Variants in QKI observed in about 807,000 individuals in gnomAD.
QKI encodes KH domain-containing RNA-binding protein QKI.
QKI carries 10 observed loss-of-function variants against 39.0 expected under a neutral mutation model. The observed-to-expected ratio is 0.26, with a 90% CI of 0.16 to 0.43. The LOEUF (loss-of-function observed/expected upper bound fraction) is 0.43, where lower values mean the gene tolerates loss of function less well. Among genes scored for constraint, QKI ranks in the 20% least tolerant of loss-of-function variants. The probability of loss-of-function intolerance (pLI) is 1.00; values close to 1 mark genes in which losing one functional copy is unlikely to be tolerated. For synonymous variants in QKI, 204 were observed against 155.4 expected (o/e 1.31, Z -2.33); for missense variants, 218 against 428.0 (o/e 0.51, Z 4.33).
chr6:163,569,950 A>G (rs1033173509), intron 7 of QKI: 7 of 986,704 alleles, frequency 7.1e-6, no homozygotes, highest in Admixed American at 1.2e-4. Flanking sequence ...TAAGTGTTCT[A>G]TATGTGTAAA....
chr6:163,500,133 G>A (rs747615979), intron 3 of QKI, among the ~76,000 whole-genome samples: 10 of 152,250 alleles, frequency 6.6e-5, no homozygotes, highest in Non-Finnish European at 7.4e-5. Context: ...GTGGAAAGTG[G>A]GAAGAGAAGA....
intron 3 of QKI, among the ~76,000 whole-genome samples, chr6:163,522,336 A>G (rs1780213426): frequency 6.6e-6 from 1 of 152,064 alleles, no homozygotes; most frequent in South Asian, 2.1e-4. Context: ...GTGTAGTAGA[A>G]ACTCAATTAT....
chr6:163,512,339 A>G (rs564888285), intron 3 of QKI, among the ~76,000 whole-genome samples: 12 of 152,236 alleles, frequency 7.9e-5, no homozygotes, highest in African/African-American at 2.6e-4. Context: ...AGCAAGTGCA[A>G]TAAAGCAGTA....
rs1379303137 is a variant in QKI, at chr6:163,415,143, C to T, written c.-51C>T. 2 of 1,357,090 alleles carry T rather than the reference C, an allele frequency of 1.5e-6. No individual in the cohort carries two copies. Among genetic ancestry groups the T allele is most frequent in the Non-Finnish European group, 1.9e-6 (2 of 1,030,414 alleles). The allele number at this position is 1,357,090 out of a possible 1,614,324, so 84.1% of individuals were successfully genotyped here. A position where few individuals can be genotyped will look rare whatever the true frequency, so the allele number is the denominator to read the frequency against. On this transcript the variant is annotated 5_prime_UTR_variant, in exon 1 of 8. Transcript: ENST00000361752. The stretch of plus-strand genomic sequence containing the variant: ...GCTCGCCCCCGCCCCTCCCTCCTCT[C>T]CGGCGGCGGCGGCGGCGGCGGCGGG...
chr6:163,515,576 C>T (rs1453505462), intron 3 of QKI, among the ~76,000 whole-genome samples: 2 of 152,092 alleles, frequency 1.3e-5, no homozygotes, highest in African/African-American at 2.4e-5. Flanking sequence ...CTTGATTTAA[C>T]ACATACTACA....
chr6:163,446,131 T>G (rs1033696942), intron 1 of QKI, among the ~76,000 whole-genome samples: 1 of 152,250 alleles, frequency 6.6e-6, no homozygotes, highest in Non-Finnish European at 1.5e-5. Context: ...TGATTTTTAC[T>G]AATTAAAATT....
At chr6:163,415,385 C>T in intron 1 of QKI, 50 bp downstream of exon 1, 1 of 1,541,866 alleles carries the variant, frequency 6.5e-7, no homozygotes, top group Non-Finnish European at 8.8e-7. Flanking sequence ...CCGGGGCGGC[C>T]CCTTTCCCCG....
At chr6:163,569,503 T>A in intron 7 of QKI, 1 of 1,265,346 alleles carries the variant, frequency 7.9e-7, no homozygotes, top group South Asian at 1.3e-5. Flanking sequence ...ATTAAGCTGT[T>A]GAATGAGTCT....
intron 7 of QKI, chr6:163,568,311 T>A: frequency 1.0e-6 from 1 of 985,184 alleles, no homozygotes; most frequent in Non-Finnish European, 1.2e-6. Flanking sequence ...ACCATTTTGC[T>A]TTAACACAAT....
At chr6:163,565,701 C>G in intron 6 of QKI, 1 of 1,170,576 alleles carries the variant, frequency 8.5e-7, no homozygotes, top group East Asian at 3.9e-5. Flanking sequence ...GCCACCTAAG[C>G]AGTAAAACAT....
At chr6:163,528,891 T>G (rs1386002967) in intron 3 of QKI, among the ~76,000 whole-genome samples, 1 of 152,190 alleles carries the variant, frequency 6.6e-6, no homozygotes, top group African/African-American at 2.4e-5. Flanking sequence ...CTGAACATAT[T>G]TATACATATA....
intron 3 of QKI, among the ~76,000 whole-genome samples, chr6:163,533,854 A>G (rs1206991173): frequency 1.3e-5 from 2 of 152,196 alleles, no homozygotes; most frequent in African/African-American, 4.8e-5. Context: ...ATTAAAAATA[A>G]AGCAGAAGCA....
Position 163,428,176 on chromosome 6 carries a change from A to C in QKI, c.142+12841A>C, listed in dbSNP as rs1298498018. Among the ~76,000 whole-genome samples the C allele has an allele frequency of 4.6e-5, 7 of 152,348 alleles. No individual in the cohort carries two copies. The East Asian group carries it at 1.2e-3, about 25-fold the overall frequency. On this transcript the variant is annotated intron_variant, in intron 1 of 7. Coordinates refer to ENST00000361752, the MANE Select transcript of QKI (RefSeq NM_006775.3). Reference sequence around the variant, plus strand: ...AATTGAGTATTTTCATTGGCATGTGAAAAAGTTGTCATAGTTCTTTAAAGA... The same window carrying C: ...AATTGAGTATTTTCATTGGCATGTGCAAAAGTTGTCATAGTTCTTTAAAGA...
rs1783728401 is a variant in QKI at position 163,572,114 on chromosome 6, C to A, written c.*1404C>A. 6.6e-6 allele frequency: 1 copy of A among 152,124 alleles called. No individual in the cohort carries two copies. The highest frequency in any genetic ancestry group is 2.1e-4 in the South Asian group (1 of 4,834). The allele number at this position is 152,124 out of a possible 1,614,324, so 9.4% of individuals were successfully genotyped here. On this transcript the variant is annotated 3_prime_UTR_variant, in exon 8 of 8. Transcript: ENST00000361752. Reference sequence around the variant, plus strand: ...GACTAGTAAGTTTTAAAACATCATTCTTTAAAAGAATAGTTTAATACTTTT... The same window carrying A: ...GACTAGTAAGTTTTAAAACATCATTATTTAAAAGAATAGTTTAATACTTTT...
chr6:163,481,345 G>A (rs1341102674), intron 3 of QKI, among the ~76,000 whole-genome samples: 1 of 151,966 alleles, frequency 6.6e-6, no homozygotes, highest in Non-Finnish European at 1.5e-5. Flanking sequence ...GATGGGAATG[G>A]TGTGTGCTGG....
At chr6:163,449,331 A>G (rs897041524) in intron 1 of QKI, among the ~76,000 whole-genome samples, 1 of 152,204 alleles carries the variant, frequency 6.6e-6, no homozygotes, top group Non-Finnish European at 1.5e-5. Context: ...GTTAAAAAGC[A>G]CAGTTATGGT....
chr6:163,527,586 A>G (rs1023946647), intron 3 of QKI, among the ~76,000 whole-genome samples: 2 of 152,196 alleles, frequency 1.3e-5, no homozygotes, highest in African/African-American at 4.8e-5. Context: ...TTCATGTTAT[A>G]GAATCCCTTT....
intron 4 of QKI, among the ~76,000 whole-genome samples, chr6:163,548,257 C>T (rs1378058247): frequency 6.6e-6 from 1 of 152,230 alleles, no homozygotes; most frequent in Non-Finnish European, 1.5e-5. Flanking sequence ...ATCTCTCCCT[C>T]ACTGCCTTGC....
chr6:163,563,920 A>G (rs1783190328), intron 6 of QKI: 1 of 1,406,604 alleles, frequency 7.1e-7, no homozygotes, highest in Non-Finnish European at 9.2e-7. Flanking sequence ...ATTCAGATCC[A>G]CTTTGGTAAC....
Sources: allele counts gnomAD v4.1 joint callset (sites outside exome capture counted in the v4.1 genomes callset), GRCh38; gene constraint gnomAD v4.1.1; transcripts MANE v1.5; gene names NCBI Gene and HGNC (gene_info 2026-07-23, HGNC 2026-07-21).